PTPRO: variants seen among roughly 807,000 people sequenced by gnomAD.
PTPRO encodes protein tyrosine phosphatase receptor type O, also known as receptor-type tyrosine-protein phosphatase O.
PTPRO carries 62 observed loss-of-function variants against 145.2 expected under a neutral mutation model. The ratio of observed to expected loss-of-function variants is 0.43; its 90% CI spans 0.35 to 0.53. The LOEUF (loss-of-function observed/expected upper bound fraction) is 0.53, where lower values mean the gene tolerates loss of function less well. Among genes scored for constraint, PTPRO ranks in the 20% least tolerant of loss-of-function variants. PTPRO has a pLI of 0.01. For synonymous variants in PTPRO, 565 were observed against 514.7 expected (o/e 1.10, Z -1.32); for missense variants, 1,345 against 1,482.7 (o/e 0.91, Z 1.53).
chr12:15,456,615 AT>A (rs992122283), intron 1 of PTPRO, among the ~76,000 whole-genome samples: 2 of 152,188 alleles, frequency 1.3e-5, no homozygotes, highest in African/African-American at 4.8e-5. Flanking sequence ...GTTGAAAAGT[AT>A]TTGATCACTG....
chr12:15,326,047 G>C (rs1866436580), intron 1 of PTPRO, among the ~76,000 whole-genome samples: 2 of 152,188 alleles, frequency 1.3e-5, no homozygotes, highest in South Asian at 4.2e-4. Context: ...TATGATACTG[G>C]CCATTCTACT....
chr12:15,402,653 T>G (rs1004429705), intron 1 of PTPRO, among the ~76,000 whole-genome samples: 1 of 152,118 alleles, frequency 6.6e-6, no homozygotes, highest in African/African-American at 2.4e-5. Context: ...TTGTTCAAAT[T>G]TTATAAATTC....
chr12:15,462,270 A>G (rs1254852909), intron 1 of PTPRO, among the ~76,000 whole-genome samples: 3 of 152,116 alleles, frequency 2.0e-5, no homozygotes, highest in Non-Finnish European at 4.4e-5. Flanking sequence ...AATTACAGGC[A>G]TGCTTCACCA....
intron 16 of PTPRO, 66 bp from the exon 17 acceptor site, chr12:15,560,125 TCA>T: frequency 9.1e-7 from 1 of 1,100,540 alleles, no homozygotes; most frequent in Non-Finnish European, 1.4e-6. Flanking sequence ...TGATATCTAT[TCA>T]CAGTTTATAT....
intron 1 of PTPRO, among the ~76,000 whole-genome samples, chr12:15,427,189 C>A (rs1404673969): frequency 6.6e-6 from 1 of 151,932 alleles, no homozygotes; most frequent in East Asian, 1.9e-4. Context: ...ATTCCCTGTT[C>A]TTTCTATCTG....
At chr12:15,439,738 C>T in intron 1 of PTPRO, 1 of 550,346 alleles carries the variant, frequency 1.8e-6, no homozygotes, top group Non-Finnish European at 3.5e-6. Context: ...TAGTCAAGGA[C>T]ATGAAGATCA....
At position 15,524,865 on chromosome 12, in the gene PTPRO, A is replaced by AT. The variant is rs763460955; in HGVS notation, c.1944dup (p.Ile649TyrfsTer8). On this transcript the variant is annotated frameshift_variant, in exon 11 of 27. Coordinates refer to ENST00000281171, the MANE Select transcript of PTPRO (RefSeq NM_030667.3). LOFTEE classifies it high-confidence loss of function. ...GTGGAATATTTCAACAGTCTGTTAT[A>AT]TATCAGTTGGACATATGGGGATGAT... is the stretch of plus-strand genomic sequence containing the variant. 1.9e-6 allele frequency: 3 copies of AT among 1,613,422 alleles called. No individual in the cohort carries two copies. The African/African-American group carries it at 4.0e-5, about 22-fold the overall frequency.
chr12:15,495,095 T>G (rs994893323), intron 2 of PTPRO, among the ~76,000 whole-genome samples: 2 of 151,956 alleles, frequency 1.3e-5, no homozygotes, highest in Non-Finnish European at 2.9e-5. Flanking sequence ...AGTTAGTGAG[T>G]TCATTCAGAA....
chr12:15,560,572 C>A (rs1224616162), intron 17 of PTPRO, among the ~76,000 whole-genome samples: 1 of 151,998 alleles, frequency 6.6e-6, no homozygotes, highest in African/African-American at 2.4e-5. Context: ...ATAATGCTTT[C>A]CATTTTCCAT....
chr12:15,373,729 CTT>C (rs2136263402), intron 1 of PTPRO, among the ~76,000 whole-genome samples: 1 of 152,240 alleles, frequency 6.6e-6, no homozygotes, highest in African/African-American at 2.4e-5. Flanking sequence ...TAAATATTGA[CTT>C]CATCCTTCTT....
chr12:15,532,589 C>T (rs1457062696), intron 12 of PTPRO, among the ~76,000 whole-genome samples: 1 of 152,100 alleles, frequency 6.6e-6, no homozygotes, highest in Non-Finnish European at 1.5e-5. Context: ...GCACTAGTGC[C>T]CCAATTGAGG....
At chr12:15,454,736 T>C (rs967769173) in intron 1 of PTPRO, among the ~76,000 whole-genome samples, 1 of 152,178 alleles carries the variant, frequency 6.6e-6, no homozygotes, top group Non-Finnish European at 1.5e-5. Context: ...AAGTCTTCAA[T>C]ACATTTTGAA....
intron 1 of PTPRO, among the ~76,000 whole-genome samples, chr12:15,391,994 T>C (rs1939201405): frequency 6.6e-6 from 1 of 152,198 alleles, no homozygotes; most frequent in African/African-American, 2.4e-5. Context: ...TAAGGTATTA[T>C]ACCCAAGTTT....
At chr12:15,587,287 AG>A (rs1944449910) in intron 24 of PTPRO, 1 of 522,582 alleles carries the variant, frequency 1.9e-6, no homozygotes, top group African/African-American at 1.9e-5. Flanking sequence ...AAAATAGAGA[AG>A]GGTAGAGATG....
chr12:15,528,980 ACT>A (rs745894603), intron 12 of PTPRO, among the ~76,000 whole-genome samples: 19 of 152,226 alleles, frequency 1.2e-4, no homozygotes, highest in Non-Finnish European at 2.5e-4. Flanking sequence ...AGAATTCACC[ACT>A]ACCAGACCTG....
chr12:15,364,299 C>A (rs577181213), intron 1 of PTPRO, among the ~76,000 whole-genome samples: 1 of 152,224 alleles, frequency 6.6e-6, no homozygotes, highest in African/African-American at 2.4e-5. Context: ...TCATTATTAT[C>A]TTTGTGAATA....
intron 1 of PTPRO, among the ~76,000 whole-genome samples, chr12:15,360,691 A>G (rs1268040946): frequency 6.6e-6 from 1 of 151,272 alleles, no homozygotes; most frequent in South Asian, 2.1e-4. Context: ...TTTCTCTTAT[A>G]TTTATATGTG....
intron 1 of PTPRO, among the ~76,000 whole-genome samples, chr12:15,339,428 A>G (rs1866893907): frequency 6.6e-6 from 1 of 152,196 alleles, no homozygotes; most frequent in Non-Finnish European, 1.5e-5. Context: ...GAAACATTAA[A>G]ATGAGCTTTA....
At chr12:15,489,069 A>G (rs558151449) in intron 2 of PTPRO, among the ~76,000 whole-genome samples, 1 of 152,174 alleles carries the variant, frequency 6.6e-6, no homozygotes, top group East Asian at 1.9e-4. Context: ...TAATTCATGA[A>G]TTTTTATTTT....
Sources: gnomAD v4.1 joint callset for allele counts (sites outside exome capture counted in the v4.1 genomes callset) on GRCh38, gnomAD v4.1.1 for gene constraint, MANE v1.5 for transcripts, NCBI Gene and HGNC (gene_info 2026-07-23, HGNC 2026-07-21) for gene names.